FAR2: variants seen among roughly 807,000 people sequenced by gnomAD.
FAR2 encodes the protein epididymis secretory protein Li 81.
A neutral mutation model predicts 56.0 loss-of-function variants in FAR2; 19 were observed. That is an observed-to-expected ratio of 0.34 (90% CI 0.24 to 0.50). The LOEUF is 0.50. Ranked by LOEUF, FAR2 falls within the 20% of genes least tolerant of loss-of-function variation. FAR2 has a pLI of 0.98. For missense variants in FAR2, 508 were observed against 642.2 expected (o/e 0.79, Z 2.26); for synonymous variants, 219 against 218.8 (o/e 1.00, Z -0.01).
chr12:29,299,710 ATC>A (rs757594832), intron 4 of FAR2, among the ~76,000 whole-genome samples: 2 of 152,182 alleles, frequency 1.3e-5, no homozygotes, highest in African/African-American at 2.4e-5. Flanking sequence ...ATCCAGCCTC[ATC>A]TCTCTCAGTC....
chr12:29,176,747 A>G (rs993588799), intron 1 of FAR2, among the ~76,000 whole-genome samples: 9 of 152,242 alleles, frequency 5.9e-5, no homozygotes, highest in Non-Finnish European at 8.8e-5. Context: ...GTGTGTAAAC[A>G]TTTAGGCTGT....
chr12:29,212,643 A>G (rs1329406393), intron 1 of FAR2, among the ~76,000 whole-genome samples: 3 of 152,176 alleles, frequency 2.0e-5, no homozygotes, highest in Admixed American at 6.5e-5. Context: ...TTGCCCTCCT[A>G]CATTCCCAGC....
At chr12:29,228,657 G>A (rs1386374477) in intron 1 of FAR2, among the ~76,000 whole-genome samples, 1 of 152,058 alleles carries the variant, frequency 6.6e-6, no homozygotes, top group African/African-American at 2.4e-5. Flanking sequence ...GCGCAGTCTC[G>A]ACTCACTGCA....
Position 29,292,673 on chromosome 12 carries a change from G to A in FAR2, c.190-627G>A, listed in dbSNP as rs199524447. Among the ~76,000 whole-genome samples, 300 of 152,264 alleles carry A rather than the reference G, an allele frequency of 2.0e-3. 1 individual carries two copies. Among genetic ancestry groups the A allele is most frequent in the African/African-American group, 7.0e-3 (289 of 41,554 alleles). ...GTATCAGGCAAGAGCATGTTCAGAA[G>A]CCATTCTGAGGATTTAATGAAGATG... On this transcript the variant is annotated intron_variant, in intron 2 of 11. Transcript: ENST00000536681.
intron 1 of FAR2, among the ~76,000 whole-genome samples, chr12:29,236,331 C>T (rs1298497813): frequency 6.6e-6 from 1 of 152,138 alleles, no homozygotes; most frequent in Non-Finnish European, 1.5e-5. Context: ...CAGCAAATTA[C>T]ACCCTAAGCC....
intron 1 of FAR2, among the ~76,000 whole-genome samples, chr12:29,263,462 C>CA (rs1237875297): frequency 6.6e-6 from 1 of 151,824 alleles, no homozygotes; most frequent in Non-Finnish European, 1.5e-5. Flanking sequence ...TCTCTGGCCA[C>CA]AATGGAGTAA....
Position 29,311,209 on chromosome 12 carries a change from A to G in FAR2, c.887+63A>G. ...GGGGCAGAGTGAATATATTAGGCCC[A>G]TTTTCCAAATATAGGCATTTCATTG... On this transcript the variant is annotated intron_variant, in intron 7 of 11. Transcript: ENST00000536681. 6.2e-6 allele frequency: 7 copies of G among 1,127,204 alleles called. No homozygotes were observed. In the South Asian group the frequency reaches 6.3e-5, roughly 10 times the overall value. The allele number at this position is 1,127,204 out of a possible 1,614,324, so 69.8% of individuals were successfully genotyped here. A position where few individuals can be genotyped will look rare whatever the true frequency, so the allele number is the denominator to read the frequency against.
At chr12:29,224,006 C>T (rs895887075) in intron 1 of FAR2, 1 of 152,170 alleles carries the variant, frequency 6.6e-6, no homozygotes, top group African/African-American at 2.4e-5. Context: ...ACCTCATTTA[C>T]ACTTTTCCTT....
At chr12:29,333,096 T>A in intron 11 of FAR2, 2 of 342,508 alleles carry the variant, frequency 5.8e-6, no homozygotes, top group South Asian at 4.9e-5. Flanking sequence ...GATTATGCTA[T>A]TTAACCTAGA....
chr12:29,293,624 A>C, intron 3 of FAR2, 149 bp downstream of exon 3: 1 of 582,754 alleles, frequency 1.7e-6, no homozygotes, highest in Non-Finnish European at 2.6e-6. Context: ...TCTAGAAACA[A>C]CCATTTACTA....
intron 1 of FAR2, among the ~76,000 whole-genome samples, chr12:29,192,131 A>G (rs1950107582): frequency 6.6e-6 from 1 of 152,270 alleles, no homozygotes; most frequent in Non-Finnish European, 1.5e-5. Context: ...TGTGTGAGAA[A>G]TAACCATCAT....
intron 10 of FAR2, among the ~76,000 whole-genome samples, chr12:29,322,498 TC>T (rs1471520391): frequency 2.0e-5 from 3 of 152,224 alleles, no homozygotes; most frequent in Non-Finnish European, 4.4e-5. Flanking sequence ...GTTCAGACTT[TC>T]ATTTCTCAAG....
chr12:29,331,695 T>C (rs1389425467), intron 10 of FAR2: 3 of 152,168 alleles, frequency 2.0e-5, no homozygotes, highest in Non-Finnish European at 4.4e-5. Flanking sequence ...GGCTCAAGAA[T>C]GACCTATCAG....
At chr12:29,271,529 T>TA (rs1480750868) in intron 2 of FAR2, among the ~76,000 whole-genome samples, 2 of 152,230 alleles carry the variant, frequency 1.3e-5, no homozygotes, top group Admixed American at 1.3e-4. Context: ...TTCCTTTTTT[T>TA]ACAATCTCCT....
At chr12:29,273,194 A>T (rs114827112) in intron 2 of FAR2, among the ~76,000 whole-genome samples, 2,129 of 152,106 alleles carry the variant, frequency 0.014, 45 homozygotes, top group African/African-American at 0.049. Flanking sequence ...CTGGGGGGAA[A>T]CCCACTTGTC....
intron 3 of FAR2, 146 bp downstream of exon 3, chr12:29,293,621 A>C: frequency 3.3e-6 from 2 of 597,846 alleles, no homozygotes; most frequent in Non-Finnish European, 2.6e-6. Context: ...CCATCTAGAA[A>C]CAACCATTTA....
intron 1 of FAR2, among the ~76,000 whole-genome samples, chr12:29,153,435 A>C (rs990006957): frequency 6.6e-6 from 1 of 152,216 alleles, no homozygotes. Flanking sequence ...CAGGGGACAG[A>C]GAGAAGGCAG....
At chr12:29,288,554 G>A (rs190265611) in intron 2 of FAR2, among the ~76,000 whole-genome samples, 1 of 152,072 alleles carries the variant, frequency 6.6e-6, no homozygotes, top group African/African-American at 2.4e-5. Context: ...TTTTAGAAGA[G>A]CTGGTGCTTA....
intron 1 of FAR2, among the ~76,000 whole-genome samples, chr12:29,260,790 C>T (rs918775909): frequency 3.3e-5 from 5 of 152,166 alleles, no homozygotes; most frequent in East Asian, 1.9e-4. Flanking sequence ...GAGACAGGCT[C>T]AGTTTGTTTG....
Sources: allele counts gnomAD v4.1 joint callset (sites outside exome capture counted in the v4.1 genomes callset), GRCh38; gene constraint gnomAD v4.1.1; transcripts MANE v1.5; gene names NCBI Gene and HGNC (gene_info 2026-07-23, HGNC 2026-07-21).